SMYD3: variants seen among roughly 807,000 people sequenced by gnomAD.
SMYD3 encodes the protein SET and MYND domain containing 3.
SMYD3 carries 36 observed loss-of-function variants against 57.7 expected under a neutral mutation model. The observed-to-expected ratio is 0.62, with a 90% CI of 0.48 to 0.82. SMYD3 has a LOEUF of 0.82. Ranked by LOEUF, SMYD3 falls within the 40% of genes least tolerant of loss-of-function variation. The pLI, the probability that SMYD3 is intolerant of heterozygous loss-of-function variation, is 0.00. For synonymous variants in SMYD3, 211 were observed against 195.0 expected, an observed-to-expected ratio of 1.08 and a Z score of -0.68; for missense variants, 515 against 538.8, an observed-to-expected ratio of 0.96 and a Z score of 0.44.
chr1:246,001,229 T>C (rs1375900624), intron 5 of SMYD3, among the ~76,000 whole-genome samples: 1 of 152,196 alleles, frequency 6.6e-6, no homozygotes, highest in Non-Finnish European at 1.5e-5. Context: ...GTGAATTAAA[T>C]GACATCTCGG....
intron 1 of SMYD3, among the ~76,000 whole-genome samples, chr1:246,415,768 A>G (rs1355919271): frequency 6.6e-6 from 1 of 152,182 alleles, no homozygotes; most frequent in Non-Finnish European, 1.5e-5. Context: ...GATTTCATTT[A>G]GAGAAAAAAG....
intron 5 of SMYD3, among the ~76,000 whole-genome samples, chr1:245,982,245 T>C (rs1239389927): frequency 2.6e-5 from 4 of 152,186 alleles, no homozygotes; most frequent in Non-Finnish European, 5.9e-5. Context: ...AGTGATCCTC[T>C]GGTCTCAGCC....
intron 10 of SMYD3, among the ~76,000 whole-genome samples, chr1:245,822,405 G>T (rs1323638470): frequency 6.8e-6 from 1 of 146,378 alleles, no homozygotes; most frequent in Non-Finnish European, 1.5e-5. Flanking sequence ...TGTGGGGTAG[G>T]GGGAGGGGGG....
chr1:245,921,547 G>GTATATATATATA (rs1491323831), intron 7 of SMYD3, among the ~76,000 whole-genome samples: 811 of 34,916 alleles, frequency 0.023, 21 homozygotes, highest in African/African-American at 0.042. Flanking sequence ...AAAAAATGTG[G>GTATATATATATA]TGTATATATA....
rs746919617 is a variant in SMYD3 at position 246,452,336 on chromosome 1, T to C, written c.164+54718A>G. ...GCTTGGCCAACATGGCAGAACCTTG[T>C]CTCTCCTAAAAATACAAAAATTATG... is the stretch of plus-strand genomic sequence containing the variant. On this transcript the variant is annotated intron_variant, in intron 1 of 11. Transcript: ENST00000490107. 4.2e-4 allele frequency among the ~76,000 whole-genome samples: 64 copies of C among 152,212 alleles called. 1 individual carries two copies. Among genetic ancestry groups the C allele is most frequent in the Admixed American group, 1.5e-3 (23 of 15,286 alleles).
At chr1:246,334,270 C>T (rs2065506185) in intron 3 of SMYD3, among the ~76,000 whole-genome samples, 2 of 152,186 alleles carry the variant, frequency 1.3e-5, no homozygotes, top group South Asian at 4.1e-4. Flanking sequence ...ATACACTCAT[C>T]ACAGTGCCAT....
chr1:245,939,803 C>T (rs925219747), intron 5 of SMYD3, among the ~76,000 whole-genome samples: 1 of 152,094 alleles, frequency 6.6e-6, no homozygotes, highest in African/African-American at 2.4e-5. Context: ...TGGAACAGTC[C>T]CACTGCTTAG....
chr1:245,965,064 AT>A (rs1360286727), intron 5 of SMYD3, among the ~76,000 whole-genome samples: 4 of 152,176 alleles, frequency 2.6e-5, no homozygotes, highest in African/African-American at 7.2e-5. Context: ...AAGAAAAAAA[AT>A]ATTTAAAAAA....
At chr1:246,045,019 A>G (rs1008801761) in intron 5 of SMYD3, among the ~76,000 whole-genome samples, 1 of 152,204 alleles carries the variant, frequency 6.6e-6, no homozygotes, top group African/African-American at 2.4e-5. Flanking sequence ...ATGCTCATGG[A>G]TAGGAAGACT....
At chr1:246,038,624 G>A (rs2059818465) in intron 5 of SMYD3, among the ~76,000 whole-genome samples, 1 of 152,150 alleles carries the variant, frequency 6.6e-6, no homozygotes, top group African/African-American at 2.4e-5. Context: ...GGTGATCGCT[G>A]TATAAAAATT....
intron 1 of SMYD3, among the ~76,000 whole-genome samples, chr1:246,429,067 A>C (rs1160646384): frequency 1.8e-5 from 2 of 113,456 alleles, no homozygotes. Context: ...TATTGTTCCC[A>C]CCACAGAACC....
At chr1:246,279,024 C>T (rs947228979) in intron 5 of SMYD3, among the ~76,000 whole-genome samples, 1 of 152,136 alleles carries the variant, frequency 6.6e-6, no homozygotes, top group Non-Finnish European at 1.5e-5. Flanking sequence ...CCACTCAAGT[C>T]CAGCATCCTC....
In SMYD3 at chr1:245,806,291, A is replaced by C. The variant is rs891445877; in HGVS notation, c.1077-42142T>G. ...GTTCTATTTCATGATCAATAATAAA[A>C]ACAGTAACAGCTTATATTTGTTGAA... is the stretch of plus-strand genomic sequence containing the variant. On this transcript the variant is annotated intron_variant, in intron 10 of 11. Transcript: ENST00000490107. Among the ~76,000 whole-genome samples the C allele has an allele frequency of 3.9e-5, 6 of 152,346 alleles. No individual in the cohort carries two copies. The East Asian group carries it at 1.2e-3, about 29-fold the overall frequency.
At chr1:245,795,571 T>C (rs948848734) in intron 10 of SMYD3, among the ~76,000 whole-genome samples, 1 of 152,236 alleles carries the variant, frequency 6.6e-6, no homozygotes. Context: ...TATATCTTTT[T>C]AATTTCCCAT....
intron 5 of SMYD3, among the ~76,000 whole-genome samples, chr1:246,311,292 A>G (rs549262326): frequency 2.6e-5 from 4 of 152,366 alleles, no homozygotes; most frequent in African/African-American, 7.2e-5. Flanking sequence ...GGTGGCAGAA[A>G]GTGACAAATA....
intron 1 of SMYD3, among the ~76,000 whole-genome samples, chr1:246,432,171 A>G (rs960236351): frequency 6.6e-6 from 1 of 152,258 alleles, no homozygotes; most frequent in African/African-American, 2.4e-5. Flanking sequence ...TTTATTTTCC[A>G]CTGCATAATA....
chr1:245,840,542 T>C (rs1315987330), intron 10 of SMYD3, among the ~76,000 whole-genome samples: 1 of 151,988 alleles, frequency 6.6e-6, no homozygotes, highest in Non-Finnish European at 1.5e-5. Context: ...GTGTTTGAGG[T>C]GTCACAGGTT....
chr1:246,241,273 C>A (rs1485683452), intron 5 of SMYD3, among the ~76,000 whole-genome samples: 2 of 152,124 alleles, frequency 1.3e-5, no homozygotes, highest in Non-Finnish European at 2.9e-5. Context: ...CACATCAATG[C>A]CTAGTTTATT....
At chr1:246,321,162 C>G (rs958831880) in intron 5 of SMYD3, among the ~76,000 whole-genome samples, 1 of 152,152 alleles carries the variant, frequency 6.6e-6, no homozygotes, top group Admixed American at 6.5e-5. Flanking sequence ...CAAGAGACAC[C>G]AGCACTGGGC....
Sources: gnomAD v4.1 joint callset for allele counts (sites outside exome capture counted in the v4.1 genomes callset) on GRCh38, gnomAD v4.1.1 for gene constraint, MANE v1.5 for transcripts, NCBI Gene and HGNC (gene_info 2026-07-23, HGNC 2026-07-21) for gene names.